The following C3orf20 variants were observed in gnomAD, a reference collection of about 807,000 sequenced individuals.
C3orf20 encodes family with sequence similarity 149 member C.
In C3orf20, 76 loss-of-function variants were observed where a neutral mutation model predicts 88.3. The ratio of observed to expected loss-of-function variants is 0.86; its 90% confidence interval spans 0.72 to 1.04. The LOEUF (loss-of-function observed/expected upper bound fraction) is 1.04, where lower values mean the gene tolerates loss of function less well. Ranked by LOEUF, C3orf20 falls within the 50% of genes least tolerant of loss-of-function variation. The pLI is 0.00. For synonymous variants in C3orf20, 436 were observed against 437.4 expected (o/e 1.00, Z 0.04); for missense variants, 1,056 against 1,123.3 (o/e 0.94, Z 0.86).
Position 14,757,632 on chromosome 3 carries a change from C to G in C3orf20, c.2202C>G (p.Leu734=), listed in dbSNP as rs201850034. 12 of 1,612,568 alleles carry G rather than the reference C, an allele frequency of 7.4e-6. No individual in the cohort carries two copies. The highest frequency in any genetic ancestry group is 1.0e-5 in the Non-Finnish European group (12 of 1,178,976). Residue 734 remains leucine, a synonymous_variant, in exon 13 of 17, where the codon CTC becomes CTG. Coordinates refer to ENST00000253697, the MANE Select transcript of C3orf20 (RefSeq NM_032137.5). ...AGCTCCAGTGGCTGCTGAACACTCT[C>G]TACAACCACCAGCAGCGGGGCCGTG... ...TGQLQWLLNT[L]YNHQQRGRGS... is the part of the protein sequence containing the mutation.
At position 14,768,319 on chromosome 3, in the gene C3orf20, C is replaced by G. The variant is rs1176786068; in HGVS notation, c.2496-3748C>G. Reference sequence around the variant, plus strand: ...GGCCCCGTGCTCAGCAAGGAGCCAGCCACCGCCAGGCCCTCCCTCTATGAT... The same window carrying G: ...GGCCCCGTGCTCAGCAAGGAGCCAGGCACCGCCAGGCCCTCCCTCTATGAT... On this transcript the variant is annotated intron_variant, in intron 15 of 16. Coordinates refer to ENST00000253697, the MANE Select transcript of C3orf20 (RefSeq NM_032137.5). This position sits in a 1 kb window ranked among gnomAD's most constrained non-coding sequence, Gnocchi z 4.1. Among the ~76,000 whole-genome samples, 1 of 151,974 alleles carries G rather than the reference C, an allele frequency of 6.6e-6. No individual in the cohort carries two copies. The highest frequency in any genetic ancestry group is 1.5e-5 in the Non-Finnish European group (1 of 68,024).
intron 12 of C3orf20, among the ~76,000 whole-genome samples, chr3:14,752,018 A>G (rs2035232547): frequency 6.6e-6 from 1 of 152,232 alleles, no homozygotes; most frequent in African/African-American, 2.4e-5. Flanking sequence ...GAGCCCACAT[A>G]GCCAAGACAA....
chr3:14,728,987 GA>G (rs775724617), intron 12 of C3orf20, among the ~76,000 whole-genome samples: 8 of 151,898 alleles, frequency 5.3e-5, no homozygotes, highest in Non-Finnish European at 7.4e-5. Flanking sequence ...TGCTTGAAGG[GA>G]GAAAAAAATG....
Position 14,682,706 on chromosome 3 carries a change from TC to T in C3orf20, c.-5del. 1 of 1,596,920 alleles carries T rather than the reference TC, an allele frequency of 6.3e-7. No homozygotes were observed. The highest frequency in any genetic ancestry group is 1.1e-5 in the South Asian group (1 of 87,830). On this transcript the variant is annotated 5_prime_UTR_variant, in exon 3 of 17. Coordinates refer to ENST00000253697, the MANE Select transcript of C3orf20 (RefSeq NM_032137.5). ...AGAGAGCTCTCTTTATAGCTGAAGG[TC>T]CCTCTCATGAGTTACATCAAGAGTA...
intron 3 of C3orf20, 95 bp from the exon 4 acceptor site, chr3:14,684,147 T>C (rs2032268854): frequency 7.9e-6 from 12 of 1,525,524 alleles, no homozygotes; most frequent in South Asian, 1.3e-5. Flanking sequence ...CGCTCTACTC[T>C]ACCCTTCTTT....
At position 14,682,640 on chromosome 3, in the gene C3orf20, C is replaced by G; in HGVS notation, c.-74C>G. Reference sequence around the variant, plus strand: ...CACATCCATTCTGTCCATCTCCAAGCCTTCACCGTAGGGAAGAACTTTTGC... The same window carrying G: ...CACATCCATTCTGTCCATCTCCAAGGCTTCACCGTAGGGAAGAACTTTTGC... On this transcript the variant is annotated 5_prime_UTR_variant, in exon 3 of 17. Coordinates refer to ENST00000253697, the MANE Select transcript of C3orf20 (RefSeq NM_032137.5). The G allele has an allele frequency of 3.9e-6, 6 of 1,524,246 alleles. No individual in the cohort carries two copies. Among genetic ancestry groups the G allele is most frequent in the Non-Finnish European group, 5.3e-6 (6 of 1,137,558 alleles). 94.4% of individuals were successfully genotyped at this position (1,524,246 alleles called of 1,614,324 possible).
At chr3:14,716,446 A>C (rs146105871) in intron 9 of C3orf20, among the ~76,000 whole-genome samples, 1 of 152,152 alleles carries the variant, frequency 6.6e-6, no homozygotes, top group Non-Finnish European at 1.5e-5. Context: ...GGGCTCCAGC[A>C]CCCTACCCTT....
At chr3:14,727,891 C>T (rs1332191617) in intron 11 of C3orf20, among the ~76,000 whole-genome samples, 1 of 152,210 alleles carries the variant, frequency 6.6e-6, no homozygotes, top group Non-Finnish European at 1.5e-5. Flanking sequence ...TTTCTGGAGT[C>T]TGGGAGTTCT....
chr3:14,736,540 C>G (rs2034716129), intron 12 of C3orf20, among the ~76,000 whole-genome samples: 1 of 151,608 alleles, frequency 6.6e-6, no homozygotes. Context: ...ATCCACTTGC[C>G]TTGGCCTCCC....
rs33982218 is a variant in C3orf20 at position 14,760,606 on chromosome 3, CTTTTTTTTTTTTT to C, written c.2352+617_2352+629del. ...TAACTACTGTGTAAGAGTCTGTCTT[CTTTTTTTTTTTTT>C]TTTTTTTTGAGACAGAGTCTCACTC... On this transcript the variant is annotated intron_variant, in intron 14 of 16. Transcript: ENST00000253697. Among the ~76,000 whole-genome samples, 85 of 97,796 alleles carry C rather than the reference CTTTTTTTTTTTTT, an allele frequency of 8.7e-4. No individual in the cohort carries two copies. The East Asian group carries it at 0.021, about 24-fold the overall frequency. 64.2% of individuals were successfully genotyped at this position (97,796 alleles called of 152,430 possible). A position where few individuals can be genotyped will look rare whatever the true frequency, so the allele number is the denominator to read the frequency against.
rs1458431419 is a variant in C3orf20 at position 14,728,421 on chromosome 3, A to C, written c.1691-18A>C. On this transcript the variant is annotated intron_variant, in intron 11 of 16. Transcript: ENST00000253697. ...CTGGCCATGAAGGGAAAATGACAGCAGCATCTTCTGTTAACAGGTCTGTTT... is the reference window on the plus strand; with the variant it reads ...CTGGCCATGAAGGGAAAATGACAGCCGCATCTTCTGTTAACAGGTCTGTTT... The C allele has an allele frequency of 6.2e-7, 1 of 1,612,948 alleles. No homozygotes were observed. Among genetic ancestry groups the C allele is most frequent in the Admixed American group, 1.7e-5 (1 of 59,978 alleles).
intron 1 of C3orf20, among the ~76,000 whole-genome samples, chr3:14,679,527 C>G (rs1365733500): frequency 2.0e-5 from 3 of 152,204 alleles, no homozygotes; most frequent in African/African-American, 7.2e-5. Context: ...TGCTGCGCAG[C>G]TTGGCCACCT....
chr3:14,770,559 C>T (rs1321808871), intron 15 of C3orf20, among the ~76,000 whole-genome samples: 1 of 152,164 alleles, frequency 6.6e-6, no homozygotes, highest in Non-Finnish European at 1.5e-5. Context: ...CCTCCACACC[C>T]ACTTCCTGTC....
At chr3:14,694,348 A>G (rs1489619627) in intron 5 of C3orf20, among the ~76,000 whole-genome samples, 1 of 152,094 alleles carries the variant, frequency 6.6e-6, no homozygotes, top group Non-Finnish European at 1.5e-5. Flanking sequence ...ACTTTTTATT[A>G]TAGTTTCAAT....
At chr3:14,684,458 C>T (rs1171180479) in intron 4 of C3orf20, 76 bp downstream of exon 4, 3 of 1,547,988 alleles carry the variant, frequency 1.9e-6, no homozygotes, top group Non-Finnish European at 2.6e-6. Context: ...AGGCAAAACC[C>T]CCAGTTTGAA....
At chr3:14,677,641 C>T (rs775282149) in intron 1 of C3orf20, among the ~76,000 whole-genome samples, 1 of 152,088 alleles carries the variant, frequency 6.6e-6, no homozygotes, top group Admixed American at 6.5e-5. Context: ...GCTGGGATTA[C>T]AGGTGCGCAC....
chr3:14,756,144 G>A (rs1358213834), intron 12 of C3orf20, among the ~76,000 whole-genome samples: 3 of 149,920 alleles, frequency 2.0e-5, no homozygotes, highest in Non-Finnish European at 3.0e-5. Flanking sequence ...CTGTGATGCT[G>A]TAAAATGCTA....
At chr3:14,756,786 G>A (rs577453328) in intron 12 of C3orf20, among the ~76,000 whole-genome samples, 3 of 152,352 alleles carry the variant, frequency 2.0e-5, no homozygotes, top group East Asian at 1.9e-4. Context: ...GATTCTTGCA[G>A]CCTTGAAGCA....
chr3:14,708,870 C>G (rs1559411533), intron 7 of C3orf20, among the ~76,000 whole-genome samples: 1 of 152,120 alleles, frequency 6.6e-6, no homozygotes, highest in Non-Finnish European at 1.5e-5. Context: ...TCTTGAACTC[C>G]CGACCTTGAG....
Sources: allele counts gnomAD v4.1 joint callset (sites outside exome capture counted in the v4.1 genomes callset), GRCh38; gene constraint gnomAD v4.1.1; non-coding constraint Gnocchi (gnomAD v3.1); transcripts MANE v1.5; gene names NCBI Gene and HGNC (gene_info 2026-07-23, HGNC 2026-07-21).